CDC16: variants seen among roughly 807,000 people sequenced by gnomAD.
The protein encoded by CDC16 is cell division cycle protein 16 homolog.
CDC16 carries 34 observed loss-of-function variants against 87.0 expected under a neutral mutation model. The observed-to-expected ratio is 0.39, with a 90% CI of 0.30 to 0.52. CDC16 has a LOEUF of 0.52. CDC16 is among the 20% of genes least tolerant of loss of function. The pLI is 0.74. For missense variants in CDC16, 653 were observed against 751.9 expected, an observed-to-expected ratio of 0.87 and a Z score of 1.54; for synonymous variants, 263 against 260.6, an observed-to-expected ratio of 1.01 and a Z score of -0.09.
chr13:114,271,267 CATT>C (rs1410779207), intron 17 of CDC16, among the ~76,000 whole-genome samples: 1 of 152,116 alleles, frequency 6.6e-6, no homozygotes, highest in Non-Finnish European at 1.5e-5. Context: ...GTTTGCATGT[CATT>C]ATCTGCCAAA....
At chr13:114,252,306 T>A (rs2082240928) in intron 12 of CDC16, among the ~76,000 whole-genome samples, 1 of 152,232 alleles carries the variant, frequency 6.6e-6, no homozygotes, top group Admixed American at 6.5e-5. Flanking sequence ...CTAGCCCTGT[T>A]GGGTAAAAGC....
intron 10 of CDC16, among the ~76,000 whole-genome samples, chr13:114,246,310 A>G (rs1421013004): frequency 6.6e-6 from 1 of 152,246 alleles, no homozygotes; most frequent in African/African-American, 2.4e-5. Flanking sequence ...GCTTATTTTA[A>G]AATACTTAGC....
In CDC16 at chr13:114,236,929, G is replaced by T. The variant is rs762025249; in HGVS notation, c.201+33G>T. On this transcript the variant is annotated intron_variant, in intron 3 of 17. Transcript: ENST00000356221. ...ATGGTATGAACTTTAAAGCTCTTCA[G>T]AGCTTTAAAAAAAATGTCATTAGTG... 110 of 1,403,516 alleles carry T rather than the reference G, an allele frequency of 7.8e-5. 2 individuals carry two copies. In the South Asian group the frequency reaches 1.4e-3, roughly 18 times the overall value. The allele number at this position is 1,403,516 out of a possible 1,614,324, so 86.9% of individuals were successfully genotyped here. A position where few individuals can be genotyped will look rare whatever the true frequency, so the allele number is the denominator to read the frequency against.
Position 114,250,606 on chromosome 13 carries a change from A to C in CDC16, c.1029A>C (p.Ser343=). 6.2e-7 allele frequency: 1 copy of C among 1,614,046 alleles called. No individual in the cohort carries two copies. The change falls in exon 12 of 18, where the codon TCA becomes TCC. Residue 343 remains serine, a synonymous_variant. Transcript: ENST00000356221. ...YGPAWIAYGH[S]FAVESEHDQA... ...CTGCATGGATAGCCTATGGACATTC[A>C]TTTGCGGTGGAGAGTGAGCACGACC...
rs921859172 is a variant in CDC16, at chr13:114,272,603, T to G, written c.*160T>G. The G allele has an allele frequency of 1.2e-5, 7 of 570,602 alleles. No homozygotes were observed. The highest frequency in any genetic ancestry group is 2.1e-5 in the Non-Finnish European group (7 of 328,276). The allele number at this position is 570,602 out of a possible 1,614,324, so 35.3% of individuals were successfully genotyped here. A position where few individuals can be genotyped will look rare whatever the true frequency, so the allele number is the denominator to read the frequency against. On this transcript the variant is annotated 3_prime_UTR_variant, in exon 18 of 18. Transcript: ENST00000356221. ...CTTAAGAGACTGGATCGCACACCTT[T>G]GCAACAGATGTGTTCTGATTCTCTG...
At chr13:114,270,365 C>G (rs17291585) in intron 17 of CDC16, among the ~76,000 whole-genome samples, 1 of 152,240 alleles carries the variant, frequency 6.6e-6, no homozygotes, top group African/African-American at 2.4e-5. Context: ...GGTACTAAAC[C>G]ATTCAGGAGA....
intron 6 of CDC16, among the ~76,000 whole-genome samples, chr13:114,242,961 G>T (rs988131757): frequency 2.0e-5 from 3 of 152,172 alleles, no homozygotes; most frequent in Non-Finnish European, 4.4e-5. Context: ...AGGCTCCCCT[G>T]TTCCCAGCAG....
In CDC16 at chr13:114,265,351, C is replaced by T. The variant is rs1191926106; in HGVS notation, c.1603+111C>T. 5 of 725,040 alleles carry T rather than the reference C, an allele frequency of 6.9e-6. No individual in the cohort carries two copies. The East Asian group carries it at 7.8e-5, about 11-fold the overall frequency. The allele number at this position is 725,040 out of a possible 1,614,324, so 44.9% of individuals were successfully genotyped here. On this transcript the variant is annotated intron_variant, in intron 17 of 17. Transcript: ENST00000356221. ...TGAGGTTCCAAGTTCATCTTTCTAA[C>T]CATTCGTGCTGCATTAAAAACAAGA...
Position 114,235,008 on chromosome 13 carries a change from C to G in CDC16, c.-77C>G, listed in dbSNP as rs978176415. 8.2e-4 allele frequency: 954 copies of G among 1,157,080 alleles called. 2 individuals carry two copies. Among genetic ancestry groups the G allele is most frequent in the Non-Finnish European group, 9.7e-4 (891 of 915,210 alleles). 71.7% of individuals were successfully genotyped at this position (1,157,080 alleles called of 1,614,324 possible). A position where few individuals can be genotyped will look rare whatever the true frequency, so the allele number is the denominator to read the frequency against. Reference sequence around the variant, plus strand: ...CGGCGGCTGCAGGCACGGGCACGGGCACGGGGCGGGGTGCTTAGGGTGCAG... The same window carrying G: ...CGGCGGCTGCAGGCACGGGCACGGGGACGGGGCGGGGTGCTTAGGGTGCAG... On this transcript the variant is annotated 5_prime_UTR_variant, in exon 1 of 18. Transcript: ENST00000356221.
intron 17 of CDC16, among the ~76,000 whole-genome samples, chr13:114,267,401 T>C (rs1350686488): frequency 1.3e-5 from 2 of 152,044 alleles, no homozygotes; most frequent in African/African-American, 4.8e-5. Context: ...CTCAGGAGGC[T>C]GAGGCAGGAG....
rs1367559261 is a variant in CDC16 at position 114,245,986 on chromosome 13, T to A, written c.848-14T>A. Reference sequence around the variant, plus strand: ...ATACGAACAATTGTTCTTTTTCTGCTTTTTCCTGAACAGAACTTTTCTATC... The same window carrying A: ...ATACGAACAATTGTTCTTTTTCTGCATTTTCCTGAACAGAACTTTTCTATC... On this transcript the variant is annotated splice_polypyrimidine_tract_variant and intron_variant, in intron 9 of 17. Coordinates refer to ENST00000356221, the MANE Select transcript of CDC16 (RefSeq NM_001078645.3). 2 of 1,445,840 alleles carry A rather than the reference T, an allele frequency of 1.4e-6. No homozygotes were observed. Among genetic ancestry groups the A allele is most frequent in the Non-Finnish European group, 1.9e-6 (2 of 1,042,328 alleles). The allele number at this position is 1,445,840 out of a possible 1,614,324, so 89.6% of individuals were successfully genotyped here. A position where few individuals can be genotyped will look rare whatever the true frequency, so the allele number is the denominator to read the frequency against.
intron 6 of CDC16, 145 bp from the exon 7 acceptor site, chr13:114,243,112 G>C (rs2081642848): frequency 3.6e-6 from 2 of 557,288 alleles, no homozygotes; most frequent in Admixed American, 6.2e-5. Flanking sequence ...CACTGTGTCA[G>C]CTTCTGTTGC....
rs142916945 is a variant in CDC16 at position 114,249,019 on chromosome 13, C to T, written c.972-1530C>T. ...GATGATTCAAGCGCATTACATTTATCGTGTGCTTTTTTCTATTATTATTAC... is the reference window on the plus strand; with the variant it reads ...GATGATTCAAGCGCATTACATTTATTGTGTGCTTTTTTCTATTATTATTAC... On this transcript the variant is annotated intron_variant, in intron 11 of 17. Coordinates refer to ENST00000356221, the MANE Select transcript of CDC16 (RefSeq NM_001078645.3). Among the ~76,000 whole-genome samples the T allele has an allele frequency of 9.8e-3, 1,481 of 151,868 alleles. 22 individuals are homozygous for T. The highest frequency in any genetic ancestry group is 0.034 in the African/African-American group (1,407 of 41,388).
intron 13 of CDC16, 66 bp downstream of exon 13, chr13:114,257,296 A>G: frequency 1.0e-6 from 1 of 999,930 alleles, no homozygotes; most frequent in East Asian, 3.0e-5. Context: ...GGTGATCACT[A>G]GAGTTCACTG....
chr13:114,247,023 C>G lies in CDC16; in HGVS notation c.971+19C>G. ...ATCTCAGGTATGAATTTATTTTTTT[C>G]CTCTCTAGTTAACCTGTAGAATTGA... is the stretch of plus-strand genomic sequence containing the variant. On this transcript the variant is annotated intron_variant, in intron 11 of 17. Coordinates refer to ENST00000356221, the MANE Select transcript of CDC16 (RefSeq NM_001078645.3). 1 of 1,523,698 alleles carries G rather than the reference C, an allele frequency of 6.6e-7. No homozygotes were observed. The highest frequency in any genetic ancestry group is 1.1e-5 in the South Asian group (1 of 89,238). The allele number at this position is 1,523,698 out of a possible 1,614,324, so 94.4% of individuals were successfully genotyped here. A position where few individuals can be genotyped will look rare whatever the true frequency, so the allele number is the denominator to read the frequency against.
intron 11 of CDC16, 127 bp downstream of exon 11, chr13:114,247,131 C>G: frequency 1.6e-6 from 1 of 623,074 alleles, no homozygotes; most frequent in Non-Finnish European, 2.8e-6. Context: ...TTTTTTCTTC[C>G]TTTCTTTTCT....
intron 9 of CDC16, among the ~76,000 whole-genome samples, chr13:114,245,476 C>T (rs1334977299): frequency 1.3e-5 from 2 of 152,208 alleles, no homozygotes; most frequent in African/African-American, 4.8e-5. Context: ...CACCGAATCC[C>T]TGCTGCTCAG....
At chr13:114,247,190 C>G in intron 11 of CDC16, 186 bp downstream of exon 11, 1 of 574,148 alleles carries the variant, frequency 1.7e-6, no homozygotes, top group South Asian at 2.1e-5. Context: ...CTCCCCTCCC[C>G]TCTCTCTCGA....
chr13:114,265,066 C>T (rs2083113368), intron 16 of CDC16, 84 bp from the exon 17 acceptor site: 1 of 1,000,502 alleles, frequency 1.0e-6, no homozygotes, highest in Middle Eastern at 2.1e-4. Flanking sequence ...CCCTGGATGC[C>T]CTGGAATATT....
Sources: gnomAD v4.1 joint callset for allele counts (sites outside exome capture counted in the v4.1 genomes callset) on GRCh38, gnomAD v4.1.1 for gene constraint, MANE v1.5 for transcripts, NCBI Gene and HGNC (gene_info 2026-07-23, HGNC 2026-07-21) for gene names.